The following VPS13D variants were observed in gnomAD, a reference collection of about 807,000 sequenced individuals.
VPS13D encodes vacuolar protein sorting 13 homolog D.
In VPS13D, 187 loss-of-function variants were observed where a neutral mutation model predicts 461.9. That is an observed-to-expected ratio of 0.40 (90% CI 0.36 to 0.46). VPS13D has a LOEUF of 0.46. Ranked by LOEUF, VPS13D falls within the 20% of genes least tolerant of loss-of-function variation. The pLI is 0.60. For missense variants in VPS13D, 4,711 were observed against 5,364.9 expected (o/e 0.88, Z 3.81); for synonymous variants, 1,951 against 1,986.3 (o/e 0.98, Z 0.47).
At chr1:12,317,201 T>C (rs916095307) in intron 30 of VPS13D, among the ~76,000 whole-genome samples, 4 of 152,156 alleles carry the variant, frequency 2.6e-5, no homozygotes, top group Admixed American at 2.6e-4. Flanking sequence ...AGTGCCTCAT[T>C]GATCTTCTTG....
Position 12,266,954 on chromosome 1 carries a change from T to A in VPS13D, c.1668T>A (p.Phe556Leu), listed in dbSNP as rs773409342. ...TTTCAGTCCGGTTGGGTGGACTGTT[T>A]CTTCGAGACCTGGCTACAGAAGGAA... ...SLLSVRLGGL[F>L]LRDLATEGTM... Residue 556 changes from phenylalanine (F) to leucine (L), a missense_variant, in exon 14 of 70, where the codon TTT (phenylalanine) becomes TTA (leucine). Phe to Leu is a conservative substitution (Grantham distance 22). This residue lies in a region of VPS13D where 4,411 missense variants were observed against 4,937.8 expected (regional missense o/e 0.89). Coordinates refer to ENST00000620676, the MANE Select transcript of VPS13D (RefSeq NM_015378.4). 3 of 1,611,208 alleles carry A rather than the reference T, an allele frequency of 1.9e-6. No individual in the cohort carries two copies. In the East Asian group the frequency reaches 6.7e-5, roughly 36 times the overall value.
chr1:12,511,975 C>G lies in VPS13D; in HGVS notation c.*2951C>G, dbSNP rs1646188576. 1.3e-5 allele frequency: 2 copies of G among 152,190 alleles called. No individual in the cohort carries two copies. Among genetic ancestry groups the G allele is most frequent in the South Asian group, 4.1e-4 (2 of 4,834 alleles). The allele number at this position is 152,190 out of a possible 1,614,324, so 9.4% of individuals were successfully genotyped here. A position where few individuals can be genotyped will look rare whatever the true frequency, so the allele number is the denominator to read the frequency against. ...TTACAGTCACCAGTGTGTGAAGACTCTTGAGTCTGGTTCTCATATCAGAGT... is the reference window on the plus strand; with the variant it reads ...TTACAGTCACCAGTGTGTGAAGACTGTTGAGTCTGGTTCTCATATCAGAGT... On this transcript the variant is annotated 3_prime_UTR_variant, in exon 70 of 70. Coordinates refer to ENST00000620676, the MANE Select transcript of VPS13D (RefSeq NM_015378.4). The surrounding 1 kb of genome is among the most constrained non-coding windows in gnomAD (Gnocchi z 4.5).
intron 30 of VPS13D, among the ~76,000 whole-genome samples, chr1:12,314,603 A>T (rs1447846967): frequency 6.6e-6 from 1 of 152,210 alleles, no homozygotes; most frequent in African/African-American, 2.4e-5. Flanking sequence ...GACTGTTTTA[A>T]TTTGTAAAGT....
intron 68 of VPS13D, 149 bp from the exon 69 acceptor site, chr1:12,506,704 A>T: frequency 1.9e-6 from 2 of 1,068,834 alleles, no homozygotes; most frequent in Non-Finnish European, 2.7e-6. Flanking sequence ...AACACCCACA[A>T]GATAGAATTT....
rs1276999924 is a variant in VPS13D at position 12,497,317 on chromosome 1, A to G, written c.12663-183A>G. 5.1e-6 allele frequency: 3 copies of G among 584,004 alleles called. No homozygotes were observed. In the African/African-American group the frequency reaches 5.8e-5, roughly 11 times the overall value. The allele number at this position is 584,004 out of a possible 1,614,324, so 36.2% of individuals were successfully genotyped here. On this transcript the variant is annotated intron_variant, in intron 67 of 69. Transcript: ENST00000620676. ...AGAAAATGGTAGAGGCAGGATTCAAAGTCAAATGAGGGTCTTTAACCGCTA... is the reference window on the plus strand; with the variant it reads ...AGAAAATGGTAGAGGCAGGATTCAAGGTCAAATGAGGGTCTTTAACCGCTA...
chr1:12,472,466 C>A (rs897641110), intron 67 of VPS13D, among the ~76,000 whole-genome samples: 1 of 152,242 alleles, frequency 6.6e-6, no homozygotes, highest in African/African-American at 2.4e-5. Context: ...GCCTTCAGAG[C>A]TACTTGCTGC....
rs1255414735 is a variant in VPS13D at position 12,276,025 on chromosome 1, A to G, written c.2437A>G (p.Met813Val). The G allele has an allele frequency of 1.2e-6, 2 of 1,614,118 alleles. No homozygotes were observed. The highest frequency in any genetic ancestry group is 3.3e-5 in the Admixed American group (2 of 59,998). ...QLQAHLMSTK[M>V]YERYSLSFMD... is the part of the protein sequence containing the mutation. ...TCAAGCACATTTAATGAGCACAAAG[A>G]TGTATGAGAGGTACTCGCTGTCATT... Residue 813 changes from methionine (M) to valine (V), a missense_variant, in exon 19 of 70, where the codon ATG (methionine) becomes GTG (valine). Met to Val is a conservative substitution (Grantham distance 21). This residue lies in a region of VPS13D where 4,411 missense variants were observed against 4,937.8 expected (regional missense o/e 0.89). Coordinates refer to ENST00000620676, the MANE Select transcript of VPS13D (RefSeq NM_015378.4). This position sits in a 1 kb window ranked among gnomAD's most constrained non-coding sequence, Gnocchi z 4.5.
Position 12,322,690 on chromosome 1 carries a change from C to G in VPS13D, c.7859C>G (p.Ser2620Cys). 2 of 1,614,218 alleles carry G rather than the reference C, an allele frequency of 1.2e-6. No homozygotes were observed. The highest frequency in any genetic ancestry group is 1.7e-5 in the Admixed American group (1 of 60,030). ...DSVGTYLPGA[S>C]RVGEEIREGT... ...GTTGGCACTTACCTTCCAGGTGCAT[C>G]TCGCGTTGGAGAGGAAATCAGAGAA... The change falls in exon 34 of 70, where the codon TCT becomes TGT. Residue 2620 changes from serine to cysteine, a missense_variant. Transcript: ENST00000620676.
chr1:12,276,435 G>T lies in VPS13D; in HGVS notation c.2847G>T (p.Leu949=). The T allele has an allele frequency of 1.2e-6, 2 of 1,614,196 alleles. No individual in the cohort carries two copies. The highest frequency in any genetic ancestry group is 1.7e-6 in the Non-Finnish European group (2 of 1,180,040). The change falls in exon 19 of 70, where the codon CTG becomes CTT. Residue 949 remains leucine, a synonymous_variant. Coordinates refer to ENST00000620676, the MANE Select transcript of VPS13D (RefSeq NM_015378.4). The surrounding 1 kb of genome is among the most constrained non-coding windows in gnomAD (Gnocchi z 4.5). ...TGGAGCAGCATACCCGCGAGGTTCT[G>T]GTGGAGTCGCAGCTCCTCCTGGCGG... is the stretch of plus-strand genomic sequence containing the variant. ...VLLEQHTREV[L]VESQLLLAEF... is the part of the protein sequence containing the mutation.
intron 15 of VPS13D, among the ~76,000 whole-genome samples, chr1:12,268,165 G>A (rs753117237): frequency 2.0e-4 from 30 of 150,474 alleles, no homozygotes; most frequent in Non-Finnish European, 3.5e-4. Context: ...GTCCAGGCTG[G>A]TCTTGAACTC....
rs755480816 is a variant in VPS13D at position 12,276,942 on chromosome 1, G to A, written c.3354G>A (p.Thr1118=). The A allele has an allele frequency of 7.4e-6, 12 of 1,613,998 alleles. No homozygotes were observed. Among genetic ancestry groups the A allele is most frequent in the Admixed American group, 3.3e-5 (2 of 60,004 alleles). The part of the protein sequence containing the change: ...NNLDIILNPE[T]IVELIGFLQK... Reference sequence around the variant, plus strand: ...TAGATATTATCCTCAATCCAGAGACGATTGTGGAGCTAATTGGTTTTCTTC... The same window carrying A: ...TAGATATTATCCTCAATCCAGAGACAATTGTGGAGCTAATTGGTTTTCTTC... Residue 1118 remains threonine, a synonymous_variant, in exon 19 of 70, where the codon ACG becomes ACA. Coordinates refer to ENST00000620676, the MANE Select transcript of VPS13D (RefSeq NM_015378.4). The surrounding 1 kb of genome is among the most constrained non-coding windows in gnomAD (Gnocchi z 4.5).
intron 63 of VPS13D, among the ~76,000 whole-genome samples, chr1:12,410,054 T>TA (rs1232308580): frequency 6.6e-6 from 1 of 152,214 alleles, no homozygotes; most frequent in Non-Finnish European, 1.5e-5. Context: ...AAGCAAAACT[T>TA]AGACTTCATT....
Position 12,282,970 on chromosome 1 carries a change from G to C in VPS13D, c.4868G>C (p.Cys1623Ser). ...KSFTQIQATF[C>S]ISELQVQLSG... ...TTTACTCAGATTCAAGCCACCTTTT[G>C]TATATCAGAGCTTCAGGTTCAGCTA... is the stretch of plus-strand genomic sequence containing the variant. Residue 1623 changes from cysteine to serine, a missense_variant, in exon 21 of 70, where the codon TGT (cysteine) becomes TCT (serine). Physicochemically the swap from Cys to Ser is moderately radical, Grantham distance 112. Coordinates refer to ENST00000620676, the MANE Select transcript of VPS13D (RefSeq NM_015378.4). 6.2e-7 allele frequency: 1 copy of C among 1,614,154 alleles called. No homozygotes were observed. Among genetic ancestry groups the C allele is most frequent in the Non-Finnish European group, 8.5e-7 (1 of 1,180,000 alleles).
At position 12,385,350 on chromosome 1, in the gene VPS13D, C is replaced by T. The variant is rs1211914218; in HGVS notation, c.11461C>T (p.Pro3821Ser). The T allele has an allele frequency of 1.2e-6, 2 of 1,613,446 alleles. No homozygotes were observed. The highest frequency in any genetic ancestry group is 1.7e-4 in the Middle Eastern group (1 of 6,060). The change falls in exon 59 of 70, where the codon CCA becomes TCA. Residue 3821 changes from proline to serine, a missense_variant. Pro to Ser is a moderately conservative substitution (Grantham distance 74). Coordinates refer to ENST00000620676, the MANE Select transcript of VPS13D (RefSeq NM_015378.4). ...TEQELQKLKN[P>S]DTEQELEVLV... ...ACAAGAGCTGCAGAAATTAAAGAATCCAGATACAGAGCAGGAATTGGAAGT... is the reference window on the plus strand; with the variant it reads ...ACAAGAGCTGCAGAAATTAAAGAATTCAGATACAGAGCAGGAATTGGAAGT...
intron 22 of VPS13D, among the ~76,000 whole-genome samples, chr1:12,290,261 A>G (rs1642087526): frequency 6.6e-6 from 1 of 152,148 alleles, no homozygotes; most frequent in Admixed American, 6.5e-5. Context: ...AAATCATACT[A>G]AAACATGCTT....
intron 35 of VPS13D, among the ~76,000 whole-genome samples, chr1:12,326,321 A>ATTTTTTTTTT (rs763042688): frequency 1.1e-3 from 54 of 49,270 alleles, no homozygotes; most frequent in East Asian, 1.4e-3. Context: ...AACCTTTTGG[A>ATTTTTTTTTT]TTTTTTTTTT....
chr1:12,461,204 T>C (rs1645408346), intron 67 of VPS13D, among the ~76,000 whole-genome samples: 1 of 152,232 alleles, frequency 6.6e-6, no homozygotes, highest in Admixed American at 6.5e-5. Flanking sequence ...ATTTTGCTGC[T>C]GCTTGGATAA....
chr1:12,475,899 A>AC, intron 67 of VPS13D, among the ~76,000 whole-genome samples: 1 of 152,146 alleles, frequency 6.6e-6, no homozygotes, highest in East Asian at 1.9e-4. Context: ...AAAAAAAAAA[A>AC]AACAAAAAAC....
At chr1:12,359,285 T>A (rs1643917278) in intron 50 of VPS13D, among the ~76,000 whole-genome samples, 1 of 152,202 alleles carries the variant, frequency 6.6e-6, no homozygotes, top group African/African-American at 2.4e-5. Context: ...GCGCATCCTT[T>A]CAGTATATAA....
Sources: gnomAD v4.1 joint callset for allele counts (sites outside exome capture counted in the v4.1 genomes callset) on GRCh38, gnomAD v4.1.1 for gene constraint, gnomAD v4.1.1 regional missense constraint, Gnocchi (gnomAD v3.1) non-coding constraint, MANE v1.5 for transcripts, NCBI Gene and HGNC (gene_info 2026-07-23, HGNC 2026-07-21) for gene names.